Variants in CREG2 observed in about 807,000 individuals in gnomAD.
The protein encoded by CREG2 is cellular repressor of E1A stimulated genes 2.
In CREG2, 24 loss-of-function variants were observed where a neutral mutation model predicts 26.2. The observed-to-expected ratio is 0.92, with a 90% CI of 0.66 to 1.29. The LOEUF (loss-of-function observed/expected upper bound fraction) is 1.29. Ranked by LOEUF, CREG2 falls within the 50% of genes most tolerant of loss-of-function variation. The pLI is 0.00. For missense variants in CREG2, 366 were observed against 398.6 expected, an observed-to-expected ratio of 0.92 and a Z score of 0.70; for synonymous variants, 174 against 169.2, an observed-to-expected ratio of 1.03 and a Z score of -0.22.
chr2:101,354,255 G>T (rs1423150832), intron 3 of CREG2, among the ~76,000 whole-genome samples: 1 of 152,038 alleles, frequency 6.6e-6, no homozygotes, highest in Non-Finnish European at 1.5e-5. Context: ...TTAAAAGCTA[G>T]CAATAAAAAA....
At chr2:101,365,324 C>T (rs1355294596) in intron 2 of CREG2, among the ~76,000 whole-genome samples, 1 of 152,152 alleles carries the variant, frequency 6.6e-6, no homozygotes. Context: ...GTCAATGTTC[C>T]TGTTAAATTA....
chr2:101,380,340 G>T (rs952080470), intron 2 of CREG2, among the ~76,000 whole-genome samples: 2 of 152,232 alleles, frequency 1.3e-5, no homozygotes, highest in Admixed American at 1.3e-4. Context: ...AGCCCATGCT[G>T]GTGCAGAGTC....
intron 2 of CREG2, among the ~76,000 whole-genome samples, chr2:101,381,491 C>T (rs1181967799): frequency 6.6e-6 from 1 of 152,148 alleles, no homozygotes; most frequent in African/African-American, 2.4e-5. Context: ...AGTCGTAGAC[C>T]CTAGGGTGAC....
chr2:101,383,518 C>G lies in CREG2; in HGVS notation c.611+15G>C, dbSNP rs767068876. 1 of 1,612,924 alleles carries G rather than the reference C, an allele frequency of 6.2e-7. No individual in the cohort carries two copies. Among genetic ancestry groups the G allele is most frequent in the East Asian group, 2.2e-5 (1 of 44,874 alleles). On this transcript the variant is annotated intron_variant, in intron 2 of 3. Coordinates refer to ENST00000324768, the MANE Select transcript of CREG2 (RefSeq NM_153836.4). ...TTCCCAGGACCCGTGTGAGTGAGGG[C>G]AAACCGTCGTCTACCTGCAGAACTC... is the stretch of plus-strand genomic sequence containing the variant.
At chr2:101,358,070 T>C (rs1684488500) in intron 2 of CREG2, among the ~76,000 whole-genome samples, 1 of 151,906 alleles carries the variant, frequency 6.6e-6, no homozygotes, top group South Asian at 2.1e-4. Flanking sequence ...CTCAGCTCAC[T>C]GCAACCTCTG....
At chr2:101,385,572 T>C (rs965129220) in intron 1 of CREG2, among the ~76,000 whole-genome samples, 2 of 152,230 alleles carry the variant, frequency 1.3e-5, no homozygotes, top group Non-Finnish European at 2.9e-5. Context: ...GTGCACCTTG[T>C]TGTTACTTGC....
chr2:101,371,750 T>C (rs1214712531), intron 2 of CREG2, among the ~76,000 whole-genome samples: 1 of 152,080 alleles, frequency 6.6e-6, no homozygotes, highest in Non-Finnish European at 1.5e-5. Context: ...ACAAGCAGGA[T>C]GGAAGTGGCT....
Position 101,387,278 on chromosome 2 carries a change from G to C in CREG2, c.180C>G (p.Pro60=), listed in dbSNP as rs766857485. ...LDSASTEEAM[P]ALLEDSGSIW... Reference sequence around the variant, plus strand: ...TGCTGCCCGAATCCTCTAGCAGCGCGGGCATAGCCTCCTCAGTGGAGGCGC... The same window carrying C: ...TGCTGCCCGAATCCTCTAGCAGCGCCGGCATAGCCTCCTCAGTGGAGGCGC... The change falls in exon 1 of 4, where the codon CCC becomes CCG. Residue 60 remains proline (P), a synonymous_variant. Transcript: ENST00000324768. The surrounding 1 kb of genome is among the most constrained non-coding windows in gnomAD (Gnocchi z 4.7). The C allele has an allele frequency of 1.5e-5, 22 of 1,479,024 alleles. No homozygotes were observed. The Admixed American group carries it at 3.5e-4, about 24-fold the overall frequency. 91.6% of individuals were successfully genotyped at this position (1,479,024 alleles called of 1,614,324 possible).
chr2:101,369,305 C>T (rs1374306826), intron 2 of CREG2, among the ~76,000 whole-genome samples: 1 of 152,024 alleles, frequency 6.6e-6, no homozygotes, highest in African/African-American at 2.4e-5. Context: ...CAGGTGAGCC[C>T]TGCAGACTGG....
At chr2:101,368,903 CTG>C (rs1234642332) in intron 2 of CREG2, among the ~76,000 whole-genome samples, 1 of 152,144 alleles carries the variant, frequency 6.6e-6, no homozygotes, top group Non-Finnish European at 1.5e-5. Context: ...AAATAAGTTT[CTG>C]TTGTTTCTAA....
At chr2:101,359,978 G>A (rs1684516741) in intron 2 of CREG2, among the ~76,000 whole-genome samples, 1 of 152,184 alleles carries the variant, frequency 6.6e-6, no homozygotes, top group Non-Finnish European at 1.5e-5. Context: ...TGAAACTAAA[G>A]TCTGTTTGAT....
intron 2 of CREG2, among the ~76,000 whole-genome samples, chr2:101,367,227 C>A (rs1402993705): frequency 6.6e-6 from 1 of 152,136 alleles, no homozygotes; most frequent in Non-Finnish European, 1.5e-5. Flanking sequence ...GGATGTGGAC[C>A]CACTTCCTGG....
At chr2:101,384,820 C>A (rs1382417062) in intron 1 of CREG2, among the ~76,000 whole-genome samples, 1 of 152,128 alleles carries the variant, frequency 6.6e-6, no homozygotes, top group East Asian at 1.9e-4. Context: ...ATGATCACAC[C>A]ACTGCATTCC....
intron 3 of CREG2, 61 bp downstream of exon 3, chr2:101,355,192 T>C: frequency 9.0e-7 from 1 of 1,111,840 alleles, no homozygotes; most frequent in Non-Finnish European, 1.4e-6. Context: ...TGGCACAGCC[T>C]GACCTCTGCT....
chr2:101,369,021 G>T (rs1475020010), intron 2 of CREG2, among the ~76,000 whole-genome samples: 1 of 152,230 alleles, frequency 6.6e-6, no homozygotes, highest in African/African-American at 2.4e-5. Context: ...GTCCGAGGCT[G>T]GAACTGTGCC....
Position 101,359,110 on chromosome 2 carries a change from T to A in CREG2, c.612-3744A>T, listed in dbSNP as rs796158578. On this transcript the variant is annotated intron_variant, in intron 2 of 3. Coordinates refer to ENST00000324768, the MANE Select transcript of CREG2 (RefSeq NM_153836.4). ...GCAAGTTTTAGAGCAGGAGTGAGAG[T>A]TTATTAAAAAGTTTTAGGGCAGGAA... 5.8e-4 allele frequency among the ~76,000 whole-genome samples: 85 copies of A among 145,332 alleles called. 1 individual carries two copies. Among genetic ancestry groups the A allele is most frequent in the African/African-American group, 2.2e-3 (83 of 37,728 alleles).
chr2:101,349,208 A>T lies in CREG2; in HGVS notation c.*1715T>A, dbSNP rs1383868795. On this transcript the variant is annotated 3_prime_UTR_variant, in exon 4 of 4. Transcript: ENST00000324768. The stretch of plus-strand genomic sequence containing the variant: ...TCCAGCTTTCTCCCCATTTTTCTAA[A>T]TTGGGAGTAGCAATAATTTTAAACT... 6.6e-6 allele frequency: 1 copy of T among 152,640 alleles called. No homozygotes were observed. The highest frequency in any genetic ancestry group is 2.4e-5 in the African/African-American group (1 of 41,468). The allele number at this position is 152,640 out of a possible 1,614,324, so 9.5% of individuals were successfully genotyped here.
At position 101,354,529 on chromosome 2, in the gene CREG2, C is replaced by A. The variant is rs113355292; in HGVS notation, c.725+724G>T. On this transcript the variant is annotated intron_variant, in intron 3 of 3. Coordinates refer to ENST00000324768, the MANE Select transcript of CREG2 (RefSeq NM_153836.4). ...CCTTCGTGTTACTCTCCCTCTACTGCAGACCAATGCCTTCTAGCCTGTTTC... is the reference window on the plus strand; with the variant it reads ...CCTTCGTGTTACTCTCCCTCTACTGAAGACCAATGCCTTCTAGCCTGTTTC... Among the ~76,000 whole-genome samples the A allele has an allele frequency of 3.8e-3, 571 of 152,260 alleles. 4 individuals are homozygous for A. Among genetic ancestry groups the A allele is most frequent in the African/African-American group, 0.012 (491 of 41,554 alleles).
At position 101,355,367 on chromosome 2, in the gene CREG2, C is replaced by G. The variant is rs1186689572; in HGVS notation, c.612-1G>C. On this transcript the variant is annotated splice_acceptor_variant, in intron 2 of 3. Transcript: ENST00000324768. LOFTEE classifies it high-confidence loss of function. ...ATCTTCCGGATCAACGATGTTTTTT[C>G]TGCATGTGAAAAACATTTTTTGTAT... is the stretch of plus-strand genomic sequence containing the variant. 1.9e-6 allele frequency: 3 copies of G among 1,606,130 alleles called. No homozygotes were observed. The highest frequency in any genetic ancestry group is 4.5e-5 in the East Asian group (2 of 44,838).
Sources: gnomAD v4.1 joint callset for allele counts (sites outside exome capture counted in the v4.1 genomes callset) on GRCh38, gnomAD v4.1.1 for gene constraint, Gnocchi (gnomAD v3.1) non-coding constraint, MANE v1.5 for transcripts, NCBI Gene and HGNC (gene_info 2026-07-23, HGNC 2026-07-21) for gene names.